The following NLGN1 variants were observed in gnomAD, a reference collection of about 807,000 sequenced individuals.
NLGN1 encodes neuroligin-1.
NLGN1 carries 12 observed loss-of-function variants against 65.5 expected under a neutral mutation model. The ratio of observed to expected loss-of-function variants is 0.18; its 90% CI spans 0.12 to 0.30. NLGN1 has a LOEUF of 0.30. Ranked by LOEUF, NLGN1 falls within the 10% of genes least tolerant of loss-of-function variation. The pLI is 1.00. For missense variants in NLGN1, 750 were observed against 1,007.1 expected, an observed-to-expected ratio of 0.74 and a Z score of 3.46; for synonymous variants, 350 against 359.5, an observed-to-expected ratio of 0.97 and a Z score of 0.30.
At chr3:173,608,653 C>G (rs1331806793) in intron 3 of NLGN1, among the ~76,000 whole-genome samples, 1 of 151,788 alleles carries the variant, frequency 6.6e-6, no homozygotes, top group Non-Finnish European at 1.5e-5. Context: ...GGCCTTAATT[C>G]TTTTTTACAT....
exon 3 of NLGN1, chr3:173,604,499 G>A: frequency 7.6e-7 from 1 of 1,312,350 alleles, no homozygotes; most frequent in East Asian, 2.3e-5. Flanking sequence ...TCCCCTGTAA[G>A]AAATCGGAGG....
intron 3 of NLGN1, among the ~76,000 whole-genome samples, chr3:173,693,924 T>C (rs1041402662): frequency 1.3e-5 from 2 of 152,108 alleles, no homozygotes; most frequent in Non-Finnish European, 2.9e-5. Flanking sequence ...TAATTCATGC[T>C]ACAAATTAAA....
chr3:174,285,042 CT>C (rs1340109205), exon 7 of NLGN1: 1 of 151,226 alleles, frequency 6.6e-6, no homozygotes, highest in African/African-American at 2.4e-5. Flanking sequence ...GTTATTTCAC[CT>C]CTTGCCACAC....
Position 173,486,209 on chromosome 3 carries a change from T to C in NLGN1, c.-321+51131T>C, listed in dbSNP as rs771619501. ...ACAGGCATGCGCCACCACTCCTGGCTTTTTTATTTTATTTTTTTAGCTTTT... is the reference window on the plus strand; with the variant it reads ...ACAGGCATGCGCCACCACTCCTGGCCTTTTTATTTTATTTTTTTAGCTTTT... On this transcript the variant is annotated intron_variant, in intron 2 of 6. Transcript: ENST00000457714. Among the ~76,000 whole-genome samples the C allele has an allele frequency of 8.2e-4, 125 of 151,992 alleles. 1 individual carries two copies. The highest frequency in any genetic ancestry group is 3.2e-3 in the Middle Eastern group (1 of 316).
At chr3:173,486,941 G>C (rs1357168154) in intron 2 of NLGN1, among the ~76,000 whole-genome samples, 1 of 148,022 alleles carries the variant, frequency 6.8e-6, no homozygotes, top group Non-Finnish European at 1.5e-5. Context: ...ATGCATTTAA[G>C]CTTATGACTA....
intron 2 of NLGN1, among the ~76,000 whole-genome samples, chr3:173,594,224 A>G (rs893188987): frequency 1.6e-4 from 25 of 152,204 alleles, no homozygotes; most frequent in Admixed American, 2.0e-4. Flanking sequence ...CTTCCAGCTA[A>G]GTCTGTAAAA....
chr3:173,799,340 A>G (rs959326580), intron 3 of NLGN1, among the ~76,000 whole-genome samples: 1 of 152,012 alleles, frequency 6.6e-6, no homozygotes, highest in Middle Eastern at 3.2e-3. Flanking sequence ...TGTGACACTT[A>G]AAATTACTTT....
chr3:173,735,059 C>T (rs1773527461), intron 3 of NLGN1, among the ~76,000 whole-genome samples: 1 of 152,028 alleles, frequency 6.6e-6, no homozygotes, highest in African/African-American at 2.4e-5. Context: ...AAATAAGGGT[C>T]CACTAGGACT....
intron 4 of NLGN1, among the ~76,000 whole-genome samples, chr3:173,998,823 G>A (rs1722748621): frequency 6.6e-6 from 1 of 152,168 alleles, no homozygotes; most frequent in Non-Finnish European, 1.5e-5. Flanking sequence ...AAATATTGGT[G>A]TGATTCGGAG....
intron 4 of NLGN1, among the ~76,000 whole-genome samples, chr3:173,944,894 G>C (rs1746870407): frequency 6.6e-6 from 1 of 152,132 alleles, no homozygotes; most frequent in Admixed American, 6.5e-5. Context: ...ATAAAGAGAA[G>C]AGTTTTAACC....
intron 3 of NLGN1, among the ~76,000 whole-genome samples, chr3:173,662,923 A>G (rs1235378321): frequency 6.6e-6 from 1 of 152,056 alleles, no homozygotes; most frequent in East Asian, 1.9e-4. Context: ...AACTATGCAC[A>G]TTAAAGTACA....
At chr3:173,403,078 T>C (rs1717994080) in intron 1 of NLGN1, among the ~76,000 whole-genome samples, 1 of 152,060 alleles carries the variant, frequency 6.6e-6, no homozygotes. Context: ...CATGAAAAAA[T>C]AATTACATGG....
chr3:173,744,073 G>T (rs1159140277), intron 3 of NLGN1, among the ~76,000 whole-genome samples: 2 of 152,044 alleles, frequency 1.3e-5, no homozygotes, highest in Admixed American at 1.3e-4. Context: ...GATATAGTAA[G>T]GGAAGGTAAA....
chr3:174,143,210 A>G (rs1415508354), intron 4 of NLGN1, among the ~76,000 whole-genome samples: 2 of 152,134 alleles, frequency 1.3e-5, no homozygotes, highest in Admixed American at 6.5e-5. Flanking sequence ...AACCATATCA[A>G]TCAGTAATAT....
intron 3 of NLGN1, among the ~76,000 whole-genome samples, chr3:173,698,915 GGCGT>G (rs1298357521): frequency 6.6e-6 from 1 of 152,088 alleles, no homozygotes; most frequent in Non-Finnish European, 1.5e-5. Flanking sequence ...GGAGTACAAT[GGCGT>G]GATCTCAGCT....
chr3:173,496,603 A>G (rs1459061515), intron 2 of NLGN1, among the ~76,000 whole-genome samples: 1 of 151,830 alleles, frequency 6.6e-6, no homozygotes, highest in Non-Finnish European at 1.5e-5. Context: ...TATTTAGCCT[A>G]TCTGTTAGCT....
At chr3:173,896,800 C>T (rs535557921) in intron 4 of NLGN1, among the ~76,000 whole-genome samples, 19 of 152,112 alleles carry the variant, frequency 1.2e-4, no homozygotes, top group African/African-American at 3.1e-4. Flanking sequence ...CACTCCCATC[C>T]GCTCTTCTCA....
chr3:173,493,612 C>CA (rs993245441), intron 2 of NLGN1, among the ~76,000 whole-genome samples: 2 of 151,746 alleles, frequency 1.3e-5, no homozygotes, highest in African/African-American at 4.9e-5. Flanking sequence ...GTGTTAACAG[C>CA]AAACACATGG....
Position 174,281,255 on chromosome 3 carries a change from GCCCCAT to G in NLGN1, c.2436_2441del (p.Pro815_His816del), listed in dbSNP as rs772589994. ...TTACTGGAGGACAGAACAATACTCT[GCCCCAT>G]CCCCATCCCCACCCCCATTCACATT... is the stretch of plus-strand genomic sequence containing the variant. On this transcript the variant is annotated inframe_deletion, in exon 7 of 7. Coordinates refer to ENST00000457714, the Ensembl canonical transcript of NLGN1. The G allele has an allele frequency of 6.0e-5, 96 of 1,612,526 alleles. No homozygotes were observed. The East Asian group carries it at 1.2e-3, about 21-fold the overall frequency.
Sources: gnomAD v4.1 joint callset for allele counts (sites outside exome capture counted in the v4.1 genomes callset) on GRCh38, gnomAD v4.1.1 for gene constraint, MANE v1.5 for transcripts, NCBI Gene and HGNC (gene_info 2026-07-23, HGNC 2026-07-21) for gene names.